Variants in CNOT4 observed in about 807,000 individuals in gnomAD.
CNOT4 encodes CCR4-associated factor 4.
A neutral mutation model predicts 73.8 loss-of-function variants in CNOT4; 8 were observed. That is an observed-to-expected ratio of 0.11 (90% CI 0.06 to 0.20). The LOEUF is 0.20. Ranked by LOEUF, CNOT4 falls within the 10% of genes least tolerant of loss-of-function variation. The pLI is 1.00. For synonymous variants in CNOT4, 293 were observed against 321.1 expected, an observed-to-expected ratio of 0.91 and a Z score of 0.94; for missense variants, 564 against 883.4, an observed-to-expected ratio of 0.64 and a Z score of 4.58.
intron 1 of CNOT4, among the ~76,000 whole-genome samples, chr7:135,494,691 T>C (rs951023668): frequency 6.6e-6 from 1 of 152,086 alleles, no homozygotes; most frequent in African/African-American, 2.4e-5. Context: ...ATTAATTATA[T>C]GATATGTCAG....
At chr7:135,501,790 C>T (rs1162260032) in intron 1 of CNOT4, among the ~76,000 whole-genome samples, 2 of 152,188 alleles carry the variant, frequency 1.3e-5, no homozygotes, top group Non-Finnish European at 2.9e-5. Context: ...TGAGATCAGA[C>T]TCCTTACATC....
intron 2 of CNOT4, among the ~76,000 whole-genome samples, chr7:135,423,539 G>A (rs1316274201): frequency 1.3e-5 from 2 of 151,518 alleles, no homozygotes; most frequent in East Asian, 3.9e-4. Context: ...TTAAGAAAGT[G>A]AGATTTCACC....
chr7:135,432,557 T>C (rs550246608), intron 2 of CNOT4, among the ~76,000 whole-genome samples: 2 of 152,318 alleles, frequency 1.3e-5, no homozygotes, highest in African/African-American at 4.8e-5. Context: ...AGTTCTCTGA[T>C]GTGTTGCATT....
intron 7 of CNOT4, among the ~76,000 whole-genome samples, chr7:135,406,050 G>A (rs1797264573): frequency 6.6e-6 from 1 of 152,028 alleles, no homozygotes; most frequent in African/African-American, 2.4e-5. Context: ...TATGACCTTG[G>A]AAAGAGTTAC....
chr7:135,479,559 A>G (rs1223759116), intron 1 of CNOT4, among the ~76,000 whole-genome samples: 3 of 151,870 alleles, frequency 2.0e-5, no homozygotes, highest in East Asian at 3.9e-4. Flanking sequence ...TACTGGAGTT[A>G]TTATTTATAA....
chr7:135,429,754 C>T (rs1305796385), intron 2 of CNOT4, among the ~76,000 whole-genome samples: 1 of 152,184 alleles, frequency 6.6e-6, no homozygotes, highest in Admixed American at 6.5e-5. Flanking sequence ...TATTTTCAGA[C>T]ACTGAAGAAA....
rs535639335 is a variant in CNOT4 at position 135,384,313 on chromosome 7, C to G, written c.1627+9605G>C. On this transcript the variant is annotated intron_variant, in intron 10 of 11. Transcript: ENST00000541284. Reference sequence around the variant, plus strand: ...TCTTTTTTTTTTTTTTAGACGGAGTCTCGCTCTGTTGCCCAGGCTGGAGCA... The same window carrying G: ...TCTTTTTTTTTTTTTTAGACGGAGTGTCGCTCTGTTGCCCAGGCTGGAGCA... The G allele has an allele frequency of 8.7e-4, 144 of 165,832 alleles. 1 individual carries two copies. Among genetic ancestry groups the G allele is most frequent in the Non-Finnish European group, 1.4e-3 (108 of 77,512 alleles). 10.3% of individuals were successfully genotyped at this position (165,832 alleles called of 1,614,324 possible).
At chr7:135,478,337 T>C (rs981652284) in intron 1 of CNOT4, among the ~76,000 whole-genome samples, 17 of 152,166 alleles carry the variant, frequency 1.1e-4, no homozygotes, top group African/African-American at 4.1e-4. Flanking sequence ...ACAGTTATAG[T>C]GAAATAATAA....
chr7:135,495,734 GAAAGA>G (rs1803511217), intron 1 of CNOT4, among the ~76,000 whole-genome samples: 1 of 104,010 alleles, frequency 9.6e-6, no homozygotes, highest in Non-Finnish European at 2.2e-5. Context: ...AAGAAAGAAA[GAAAGA>G]AAGAAAGAAA....
At chr7:135,428,249 C>T (rs1224351449) in intron 2 of CNOT4, among the ~76,000 whole-genome samples, 1 of 152,136 alleles carries the variant, frequency 6.6e-6, no homozygotes, top group African/African-American at 2.4e-5. Flanking sequence ...ATTGAAGCCT[C>T]TCTAGAGAGG....
At chr7:135,493,093 T>C (rs1803223906) in intron 1 of CNOT4, among the ~76,000 whole-genome samples, 1 of 152,188 alleles carries the variant, frequency 6.6e-6, no homozygotes, top group South Asian at 2.1e-4. Context: ...AACTGCCCCA[T>C]CTCCAGGCTC....
intron 1 of CNOT4, among the ~76,000 whole-genome samples, chr7:135,507,362 T>G (rs1156648078): frequency 6.6e-6 from 1 of 152,210 alleles, no homozygotes; most frequent in Non-Finnish European, 1.5e-5. Context: ...CATGAAAATA[T>G]GAAGCTTCAG....
chr7:135,464,024 CAA>C (rs747402254), intron 1 of CNOT4, among the ~76,000 whole-genome samples: 2 of 109,616 alleles, frequency 1.8e-5, no homozygotes, highest in Admixed American at 1.0e-4. Flanking sequence ...ATTAAAAAGT[CAA>C]AAAAAAAAAA....
chr7:135,473,982 GT>G (rs546554271), intron 1 of CNOT4, among the ~76,000 whole-genome samples: 11,865 of 140,232 alleles, frequency 0.085, 431 homozygotes, highest in East Asian at 0.15. Context: ...TCTTTTTGTG[GT>G]TTTTTTTTTT....
chr7:135,503,482 G>C (rs899773575), intron 1 of CNOT4, among the ~76,000 whole-genome samples: 1 of 151,852 alleles, frequency 6.6e-6, no homozygotes, highest in Admixed American at 6.6e-5. Flanking sequence ...AAAAGTTCTA[G>C]TACGAATGAA....
Position 135,446,939 on chromosome 7 carries a change from A to G in CNOT4, c.-92-8516T>C, listed in dbSNP as rs1799871499. ...TTTTTATAATTAGTCTGTTCCCACT[A>G]GAATGGAAACTTCAGGACTTCACAA... is the stretch of plus-strand genomic sequence containing the variant. On this transcript the variant is annotated intron_variant, in intron 1 of 11. Coordinates refer to ENST00000541284, the MANE Select transcript of CNOT4 (RefSeq NM_001190850.2). Among the ~76,000 whole-genome samples, 2 of 146,328 alleles carry G rather than the reference A, an allele frequency of 1.4e-5. 1 individual carries two copies. The highest frequency in any genetic ancestry group is 3.1e-5 in the Non-Finnish European group (2 of 64,458).
chr7:135,400,564 T>C (rs891952302), intron 7 of CNOT4, among the ~76,000 whole-genome samples: 3 of 152,100 alleles, frequency 2.0e-5, no homozygotes, highest in Non-Finnish European at 4.4e-5. Context: ...AAATGAGGTC[T>C]TGCTAATGGC....
chr7:135,488,770 A>C (rs1802909808), intron 1 of CNOT4, among the ~76,000 whole-genome samples: 1 of 152,170 alleles, frequency 6.6e-6, no homozygotes, highest in Non-Finnish European at 1.5e-5. Flanking sequence ...TATCATTATT[A>C]ATAGTCCTAA....
At chr7:135,478,545 T>C (rs1023349117) in intron 1 of CNOT4, among the ~76,000 whole-genome samples, 1 of 151,938 alleles carries the variant, frequency 6.6e-6, no homozygotes, top group Non-Finnish European at 1.5e-5. Flanking sequence ...TTACAAAAAA[T>C]ACAAATATTA....
Sources: allele counts gnomAD v4.1 joint callset (sites outside exome capture counted in the v4.1 genomes callset), GRCh38; gene constraint gnomAD v4.1.1; transcripts MANE v1.5; gene names NCBI Gene and HGNC (gene_info 2026-07-23, HGNC 2026-07-21).